The following FGGY variants were observed in gnomAD, a reference collection of about 807,000 sequenced individuals.
FGGY encodes the protein FGGY carbohydrate kinase domain-containing protein.
A neutral mutation model predicts 71.3 loss-of-function variants in FGGY; 72 were observed. The ratio of observed to expected loss-of-function variants is 1.01; its 90% confidence interval spans 0.84 to 1.23. The LOEUF is 1.23. FGGY is among the 50% of genes most tolerant of loss of function. The probability of loss-of-function intolerance (pLI) is 0.00; values close to 1 mark genes in which losing one functional copy is unlikely to be tolerated. For missense variants in FGGY, 668 were observed against 682.3 expected, an observed-to-expected ratio of 0.98 and a Z score of 0.23; for synonymous variants, 251 against 250.3, an observed-to-expected ratio of 1.00 and a Z score of -0.02.
chr1:59,523,965 C>T (rs1570649688), intron 7 of FGGY, among the ~76,000 whole-genome samples: 1 of 152,334 alleles, frequency 6.6e-6, no homozygotes, highest in East Asian at 1.9e-4. Flanking sequence ...TGTCCCCTAC[C>T]AAGTTGGCAG....
chr1:59,368,718 T>A (rs971583715), intron 4 of FGGY, among the ~76,000 whole-genome samples: 1 of 152,176 alleles, frequency 6.6e-6, no homozygotes, highest in Non-Finnish European at 1.5e-5. Flanking sequence ...AGACTAAAAA[T>A]CCATCTATGG....
intron 7 of FGGY, among the ~76,000 whole-genome samples, chr1:59,527,839 T>C (rs768061847): frequency 6.6e-6 from 1 of 152,254 alleles, no homozygotes; most frequent in Non-Finnish European, 1.5e-5. Flanking sequence ...ATAATATAGA[T>C]AACCAAATAA....
intron 7 of FGGY, among the ~76,000 whole-genome samples, chr1:59,546,492 GGATGATGATGATGAT>G (rs371455666): frequency 2.3e-4 from 27 of 115,422 alleles, no homozygotes; most frequent in African/African-American, 5.3e-4. Flanking sequence ...TTAAAGCATA[GGATGATGATGATGAT>G]GATGATGATG....
intron 5 of FGGY, among the ~76,000 whole-genome samples, chr1:59,385,352 AT>A (rs1451375135): frequency 1.3e-5 from 2 of 151,766 alleles, no homozygotes; most frequent in East Asian, 3.9e-4. Flanking sequence ...AATTATTGCT[AT>A]TTTTGTTAAT....
At chr1:59,360,366 G>A (rs537312750) in intron 4 of FGGY, among the ~76,000 whole-genome samples, 32 of 152,122 alleles carry the variant, frequency 2.1e-4, no homozygotes, top group Non-Finnish European at 4.0e-4. Flanking sequence ...TTGGCTGGGA[G>A]TCACAGACAA....
intron 5 of FGGY, among the ~76,000 whole-genome samples, chr1:59,434,259 G>A (rs2067969479): frequency 1.3e-5 from 2 of 152,212 alleles, no homozygotes; most frequent in Non-Finnish European, 2.9e-5. Flanking sequence ...AAGGTATTCA[G>A]TAAATATATG....
chr1:59,690,548 C>T (rs770577378), intron 14 of FGGY, among the ~76,000 whole-genome samples: 28 of 152,170 alleles, frequency 1.8e-4, no homozygotes, highest in Admixed American at 3.3e-4. Context: ...CCCCATGTGC[C>T]CATCTCTTGC....
At chr1:59,548,741 G>A (rs914210692) in intron 7 of FGGY, among the ~76,000 whole-genome samples, 1 of 152,100 alleles carries the variant, frequency 6.6e-6, no homozygotes, top group Non-Finnish European at 1.5e-5. Flanking sequence ...CACATTTTCA[G>A]GGCTCAATTG....
At chr1:59,639,173 G>A (rs1045379576) in intron 11 of FGGY, among the ~76,000 whole-genome samples, 2 of 152,180 alleles carry the variant, frequency 1.3e-5, no homozygotes, top group African/African-American at 4.8e-5. Flanking sequence ...TCAGAATGGA[G>A]GCTGTAAACA....
At chr1:59,559,351 T>C (rs1008447227) in intron 8 of FGGY, among the ~76,000 whole-genome samples, 1 of 152,242 alleles carries the variant, frequency 6.6e-6, no homozygotes, top group African/African-American at 2.4e-5. Context: ...CTTCACAATT[T>C]ATGTTCCTCT....
At chr1:59,378,548 TGGAA>T (rs35094836) in intron 4 of FGGY, among the ~76,000 whole-genome samples, 197 bp from the exon 5 acceptor site, 11,972 of 152,202 alleles carry the variant, frequency 0.079, 531 homozygotes, top group Non-Finnish European at 0.1. Context: ...CGATCATTTT[TGGAA>T]GGATCAAGCA....
chr1:59,366,218 C>T (rs541621919), intron 4 of FGGY, among the ~76,000 whole-genome samples: 9 of 152,260 alleles, frequency 5.9e-5, no homozygotes, highest in Admixed American at 4.6e-4. Context: ...GCATATAAAT[C>T]CAGTTTTTGA....
At chr1:59,738,936 C>G (rs1414827315) in intron 14 of FGGY, among the ~76,000 whole-genome samples, 1 of 152,178 alleles carries the variant, frequency 6.6e-6, no homozygotes, top group Non-Finnish European at 1.5e-5. Flanking sequence ...GTACCAGATA[C>G]AGGGGAATCC....
intron 8 of FGGY, among the ~76,000 whole-genome samples, chr1:59,587,755 A>G (rs1412436375): frequency 1.3e-5 from 2 of 152,150 alleles, no homozygotes; most frequent in Non-Finnish European, 2.9e-5. Flanking sequence ...TAGAAGGAAA[A>G]CTAACAAACA....
At chr1:59,711,001 T>A (rs1324602085) in intron 14 of FGGY, among the ~76,000 whole-genome samples, 1 of 152,158 alleles carries the variant, frequency 6.6e-6, no homozygotes, top group Non-Finnish European at 1.5e-5. Context: ...TGTATTTTTA[T>A]TGCAGTACTA....
At chr1:59,658,495 A>G (rs2097242939) in intron 11 of FGGY, among the ~76,000 whole-genome samples, 1 of 152,230 alleles carries the variant, frequency 6.6e-6, no homozygotes, top group Non-Finnish European at 1.5e-5. Context: ...TACTGAATGT[A>G]GGAATCCCCG....
chr1:59,753,467 A>AAT (rs57074120), intron 14 of FGGY, among the ~76,000 whole-genome samples: 2,218 of 47,416 alleles, frequency 0.047, 132 homozygotes, highest in Non-Finnish European at 0.057. Context: ...CATAACTTTA[A>AAT]ATATATATAT....
At chr1:59,607,350 A>G (rs1324524407) in intron 8 of FGGY, among the ~76,000 whole-genome samples, 1 of 152,160 alleles carries the variant, frequency 6.6e-6, no homozygotes, top group Non-Finnish European at 1.5e-5. Context: ...CCCTTTTGAG[A>G]CCTAGGCTTG....
chr1:59,478,153 A>G (rs1200974742), intron 6 of FGGY, among the ~76,000 whole-genome samples: 1 of 152,074 alleles, frequency 6.6e-6, no homozygotes, highest in Non-Finnish European at 1.5e-5. Context: ...TCAAACAGAG[A>G]CCTCTCAATG....
Sources: allele counts gnomAD v4.1 joint callset (sites outside exome capture counted in the v4.1 genomes callset), GRCh38; gene constraint gnomAD v4.1.1; transcripts MANE v1.5; gene names NCBI Gene and HGNC (gene_info 2026-07-23, HGNC 2026-07-21).